Variants in ADAMTS20 observed in about 807,000 individuals in gnomAD.
The protein encoded by ADAMTS20 is A disintegrin and metalloproteinase with thrombospondin motifs 20.
A neutral mutation model predicts 260.1 loss-of-function variants in ADAMTS20; 225 were observed. The observed-to-expected ratio is 0.87, with a 90% CI of 0.78 to 0.97. The LOEUF (loss-of-function observed/expected upper bound fraction) is 0.97. Among genes scored for constraint, ADAMTS20 ranks in the 50% least tolerant of loss-of-function variants. The probability of loss-of-function intolerance (pLI) is 0.00; values close to 1 mark genes in which losing one functional copy is unlikely to be tolerated. For missense variants in ADAMTS20, 2,400 were observed against 2,337.7 expected (o/e 1.03, Z -0.55); for synonymous variants, 802 against 769.5 (o/e 1.04, Z -0.70).
intron 26 of ADAMTS20, 77 bp downstream of exon 26, chr12:43,428,164 C>T: frequency 7.2e-7 from 1 of 1,386,782 alleles, no homozygotes; most frequent in Non-Finnish European, 9.9e-7. Flanking sequence ...GTACTGATGG[C>T]ATCATATACA....
At chr12:43,358,838 A>C in intron 37 of ADAMTS20, among the ~76,000 whole-genome samples, 1 of 146,176 alleles carries the variant, frequency 6.8e-6, no homozygotes, top group East Asian at 2.1e-4. Flanking sequence ...CTCCGTCTCA[A>C]AAAAAAAAAA....
intron 7 of ADAMTS20, among the ~76,000 whole-genome samples, chr12:43,478,519 T>G (rs927638735): frequency 6.6e-6 from 1 of 152,006 alleles, no homozygotes; most frequent in Non-Finnish European, 1.5e-5. Flanking sequence ...AAACAGTAGA[T>G]ATAGGACTCA....
At chr12:43,522,432 T>C (rs1329121118) in intron 3 of ADAMTS20, among the ~76,000 whole-genome samples, 1 of 152,170 alleles carries the variant, frequency 6.6e-6, no homozygotes, top group Non-Finnish European at 1.5e-5. Flanking sequence ...TAAAGACATT[T>C]CATTTTCACT....
chr12:43,514,086 TAAAAAA>T (rs71091163), intron 3 of ADAMTS20, among the ~76,000 whole-genome samples: 40,241 of 100,180 alleles, frequency 0.4, 7,127 homozygotes, highest in East Asian at 0.75. Context: ...GAATAAACTC[TAAAAAA>T]AAAAAAAAAA....
At chr12:43,435,837 A>G (rs1289077832) in intron 18 of ADAMTS20, among the ~76,000 whole-genome samples, 1 of 152,136 alleles carries the variant, frequency 6.6e-6, no homozygotes, top group Non-Finnish European at 1.5e-5. Context: ...GGATAACTAC[A>G]GCAAAAGCAA....
intron 24 of ADAMTS20, 124 bp from the exon 25 acceptor site, chr12:43,428,923 G>T: frequency 1.2e-6 from 1 of 826,078 alleles, no homozygotes; most frequent in Non-Finnish European, 1.7e-6. Flanking sequence ...AATTATTATA[G>T]ATAATATTAC....
intron 3 of ADAMTS20, among the ~76,000 whole-genome samples, chr12:43,509,362 A>G (rs1339668362): frequency 2.0e-5 from 3 of 152,090 alleles, no homozygotes; most frequent in Admixed American, 2.0e-4. Flanking sequence ...TGATAATGTT[A>G]TCAATACAGA....
At chr12:43,462,838 G>T in intron 11 of ADAMTS20, 57 bp downstream of exon 11, 1 of 1,387,880 alleles carries the variant, frequency 7.2e-7, no homozygotes, top group Non-Finnish European at 1.0e-6. Flanking sequence ...AAAATGCAGA[G>T]CAATCACATC....
At chr12:43,449,487 G>T (rs1941824936) in intron 14 of ADAMTS20, among the ~76,000 whole-genome samples, 1 of 152,122 alleles carries the variant, frequency 6.6e-6, no homozygotes, top group African/African-American at 2.4e-5. Context: ...CCTGCTGAGG[G>T]TGGAGGGTAG....
At chr12:43,517,643 AATAGAT>A (rs1789135919) in intron 3 of ADAMTS20, among the ~76,000 whole-genome samples, 1 of 152,108 alleles carries the variant, frequency 6.6e-6, no homozygotes, top group African/African-American at 2.4e-5. Context: ...AATGAAGTAC[AATAGAT>A]ATCTCTTTTT....
At chr12:43,531,658 T>C (rs1215015799) in intron 3 of ADAMTS20, among the ~76,000 whole-genome samples, 1 of 152,108 alleles carries the variant, frequency 6.6e-6, no homozygotes, top group African/African-American at 2.4e-5. Flanking sequence ...AAAGATGTTG[T>C]TCAAAGGGCA....
chr12:43,512,868 C>T (rs1942944399), intron 3 of ADAMTS20, among the ~76,000 whole-genome samples: 1 of 152,128 alleles, frequency 6.6e-6, no homozygotes, highest in Admixed American at 6.5e-5. Context: ...CAGCTGAACT[C>T]CACATCACAT....
At chr12:43,537,148 C>T (rs138731897) in intron 2 of ADAMTS20, among the ~76,000 whole-genome samples, 6 of 152,058 alleles carry the variant, frequency 3.9e-5, no homozygotes, top group Non-Finnish European at 8.8e-5. Context: ...CAGCTCACTG[C>T]AACCTCCACC....
rs1435224321 is a variant in ADAMTS20 at position 43,440,002 on chromosome 12, TTC to T, written c.2356_2357del (p.Glu786AsnfsTer11). The T allele has an allele frequency of 1.8e-5, 28 of 1,583,684 alleles. No individual in the cohort carries two copies. In the East Asian group the frequency reaches 6.3e-4, roughly 36 times the overall value. On this transcript the variant is annotated frameshift_variant, in exon 17 of 39. Coordinates refer to ENST00000389420, the MANE Select transcript of ADAMTS20 (RefSeq NM_025003.5). LOFTEE classifies it high-confidence loss of function. ...GNFLLSTSKKEINVQGTRTVI... is the reference protein window; with the variant it reads ...GNFLLSTSKKXINVQGTRTVI... ...CAGTTCTTGTTCCTTGCACATTGAT[TTC>T]TTTTTTTGACGTACTTAGAAGAAAA...
At chr12:43,411,579 G>T (rs1941032820) in intron 28 of ADAMTS20, among the ~76,000 whole-genome samples, 2 of 152,094 alleles carry the variant, frequency 1.3e-5, no homozygotes, top group Non-Finnish European at 2.9e-5. Flanking sequence ...TGTTGACCAG[G>T]CTGGTCTTGA....
intron 37 of ADAMTS20, among the ~76,000 whole-genome samples, chr12:43,367,165 C>G (rs1940004359): frequency 6.6e-6 from 1 of 151,624 alleles, no homozygotes; most frequent in South Asian, 2.1e-4. Context: ...CCAAACAGTA[C>G]AAGAGGAAAA....
At chr12:43,461,284 C>T (rs913069330) in intron 11 of ADAMTS20, among the ~76,000 whole-genome samples, 3 of 151,738 alleles carry the variant, frequency 2.0e-5, no homozygotes, top group African/African-American at 7.3e-5. Context: ...AGTCACCGTG[C>T]CCAGCCACAA....
intron 10 of ADAMTS20, 39 bp downstream of exon 10, chr12:43,464,552 G>T: frequency 6.3e-7 from 1 of 1,596,026 alleles, no homozygotes; most frequent in Non-Finnish European, 8.5e-7. Context: ...TAACTTTATG[G>T]CAGTTTTCGA....
chr12:43,447,586 A>T (rs941438639), intron 14 of ADAMTS20, among the ~76,000 whole-genome samples: 4 of 152,150 alleles, frequency 2.6e-5, no homozygotes, highest in African/African-American at 9.7e-5. Context: ...CTGGCAGAAG[A>T]CAAGGATGCC....
Sources: allele counts gnomAD v4.1 joint callset (sites outside exome capture counted in the v4.1 genomes callset), GRCh38; gene constraint gnomAD v4.1.1; transcripts MANE v1.5; gene names NCBI Gene and HGNC (gene_info 2026-07-23, HGNC 2026-07-21).